The following RALYL variants were observed in gnomAD, a reference collection of about 807,000 sequenced individuals.
The protein encoded by RALYL is RNA-binding Raly-like protein.
A neutral mutation model predicts 35.1 loss-of-function variants in RALYL; 29 were observed. That is an observed-to-expected ratio of 0.83 (90% CI 0.61 to 1.13). RALYL has a LOEUF of 1.13. RALYL is among the 50% of genes most tolerant of loss of function. RALYL has a pLI of 0.00. For missense variants in RALYL, 359 were observed against 360.4 expected, an observed-to-expected ratio of 1.00 and a Z score of 0.03; for synonymous variants, 120 against 127.6, an observed-to-expected ratio of 0.94 and a Z score of 0.40.
intron 5 of RALYL, 22 bp downstream of exon 5, chr8:84,850,049 GT>G: frequency 7.4e-7 from 1 of 1,352,772 alleles, no homozygotes; most frequent in South Asian, 1.6e-5. Flanking sequence ...TTTCATCCTT[GT>G]TTTCCTATGA....
At chr8:84,394,481 G>T (rs1189814962) in intron 1 of RALYL, among the ~76,000 whole-genome samples, 1 of 151,960 alleles carries the variant, frequency 6.6e-6, no homozygotes, top group African/African-American at 2.4e-5. Flanking sequence ...ATACAGTTTG[G>T]TGCCTCATGG....
intron 2 of RALYL, chr8:84,678,703 G>T (rs1834736602): frequency 6.6e-6 from 1 of 152,136 alleles, no homozygotes; most frequent in Non-Finnish European, 1.5e-5. Context: ...CACATTTCCT[G>T]CAGAAAGCTA....
At chr8:84,535,602 A>ATTATTTTATTTTATTTTATTTTCTT (rs2059549505) in intron 2 of RALYL, among the ~76,000 whole-genome samples, 1 of 138,394 alleles carries the variant, frequency 7.2e-6, no homozygotes, top group Non-Finnish European at 1.6e-5. Context: ...CGCCCGGCTA[A>ATTATTTTATTTTATTTTATTTTCTT]TTATTTTATT....
At chr8:84,730,587 GTCAAATTGT>G (rs1845972551) in intron 2 of RALYL, among the ~76,000 whole-genome samples, 1 of 152,116 alleles carries the variant, frequency 6.6e-6, no homozygotes. Context: ...AAAAGAGGAA[GTCAAATTGT>G]CCCTGTTGGC....
At chr8:84,635,501 A>G (rs1222547768) in intron 2 of RALYL, among the ~76,000 whole-genome samples, 1 of 151,766 alleles carries the variant, frequency 6.6e-6, no homozygotes, top group Non-Finnish European at 1.5e-5. Context: ...GCACAATAGA[A>G]TAATCAGCTT....
chr8:84,627,728 T>C (rs971279037), intron 2 of RALYL, among the ~76,000 whole-genome samples: 2 of 151,964 alleles, frequency 1.3e-5, no homozygotes, highest in African/African-American at 4.8e-5. Context: ...AATTGAATTA[T>C]TGATGTTTTT....
chr8:84,487,121 T>A (rs1046112279), intron 1 of RALYL, among the ~76,000 whole-genome samples: 1 of 152,090 alleles, frequency 6.6e-6, no homozygotes, highest in African/African-American at 2.4e-5. Flanking sequence ...AGCATTCATA[T>A]AGAATACAGT....
chr8:84,313,308 G>T (rs957816206), intron 1 of RALYL, among the ~76,000 whole-genome samples: 2 of 152,174 alleles, frequency 1.3e-5, no homozygotes, highest in African/African-American at 4.8e-5. Flanking sequence ...TCTCTGACAT[G>T]CCCTGAGACA....
At chr8:84,861,442 G>T (rs1443878105) in intron 5 of RALYL, among the ~76,000 whole-genome samples, 1 of 152,036 alleles carries the variant, frequency 6.6e-6, no homozygotes, top group Non-Finnish European at 1.5e-5. Flanking sequence ...CTTATACCTT[G>T]ATTCCTTTCA....
At chr8:84,748,919 C>T (rs1407009871) in intron 2 of RALYL, among the ~76,000 whole-genome samples, 2 of 152,064 alleles carry the variant, frequency 1.3e-5, no homozygotes, top group African/African-American at 4.8e-5. Flanking sequence ...CTCTTTTCTA[C>T]TTTCCTTGGC....
chr8:84,294,532 C>T (rs1188101832), intron 1 of RALYL, among the ~76,000 whole-genome samples: 3 of 151,960 alleles, frequency 2.0e-5, no homozygotes, highest in Admixed American at 2.0e-4. Context: ...ATTAATAATT[C>T]TGAAAAACAT....
At chr8:84,713,733 A>G (rs564377423) in intron 2 of RALYL, among the ~76,000 whole-genome samples, 5 of 152,042 alleles carry the variant, frequency 3.3e-5, no homozygotes, top group African/African-American at 1.2e-4. Flanking sequence ...ATTTTTGGGA[A>G]TATATTCAAA....
In RALYL at chr8:84,509,456, A is replaced by G. The variant is rs144795997; in HGVS notation, c.-23-19843A>G. Among the ~76,000 whole-genome samples the G allele has an allele frequency of 4.4e-3, 672 of 152,248 alleles. 9 individuals are homozygous for G. The highest frequency in any genetic ancestry group is 0.015 in the African/African-American group (637 of 41,546). On this transcript the variant is annotated intron_variant, in intron 1 of 8. Coordinates refer to ENST00000521268, the MANE Select transcript of RALYL (RefSeq NM_173848.7). Reference sequence around the variant, plus strand: ...CAGACTTTTGCGAACATTTTATCCTAGGCTTTGGTTTGTCTTCTCATTCTC... The same window carrying G: ...CAGACTTTTGCGAACATTTTATCCTGGGCTTTGGTTTGTCTTCTCATTCTC...
intron 3 of RALYL, among the ~76,000 whole-genome samples, chr8:84,783,291 A>G (rs1818626859): frequency 1.3e-5 from 2 of 152,200 alleles, no homozygotes; most frequent in Non-Finnish European, 2.9e-5. Context: ...CCTCTCCACA[A>G]AGCTAATAGA....
chr8:84,827,702 G>T (rs192463570), intron 4 of RALYL, among the ~76,000 whole-genome samples: 8 of 151,858 alleles, frequency 5.3e-5, no homozygotes, highest in Admixed American at 2.0e-4. Flanking sequence ...ATTAAATATC[G>T]CATTCCACTC....
At position 84,205,638 on chromosome 8, in the gene RALYL, T is replaced by G. The variant is rs183360228; in HGVS notation, c.-24+21214T>G. On this transcript the variant is annotated intron_variant, in intron 1 of 8. Transcript: ENST00000521268. Reference sequence around the variant, plus strand: ...TTTGGGTCTGAATATTAGCACTAGTTATCAATAAAGAGCACAAGTGGGAAA... The same window carrying G: ...TTTGGGTCTGAATATTAGCACTAGTGATCAATAAAGAGCACAAGTGGGAAA... 1.4e-4 allele frequency among the ~76,000 whole-genome samples: 21 copies of G among 152,304 alleles called. No individual in the cohort carries two copies. In the East Asian group the frequency reaches 3.9e-3, roughly 28 times the overall value.
intron 1 of RALYL, among the ~76,000 whole-genome samples, chr8:84,433,505 C>T (rs2047361923): frequency 6.6e-6 from 1 of 152,082 alleles, no homozygotes. Flanking sequence ...AGAATTCCCA[C>T]ATGTTGCGGG....
At chr8:84,363,875 G>A (rs1410631916) in intron 1 of RALYL, among the ~76,000 whole-genome samples, 2 of 152,164 alleles carry the variant, frequency 1.3e-5, no homozygotes, top group Non-Finnish European at 2.9e-5. Context: ...ACCAATACTG[G>A]TGTAAAAGCA....
intron 2 of RALYL, among the ~76,000 whole-genome samples, chr8:84,588,158 G>A (rs1256600562): frequency 6.6e-6 from 1 of 152,160 alleles, no homozygotes; most frequent in African/African-American, 2.4e-5. Context: ...GGACCAGTAT[G>A]TGCATTTCAG....
Sources: allele counts gnomAD v4.1 joint callset (sites outside exome capture counted in the v4.1 genomes callset), GRCh38; gene constraint gnomAD v4.1.1; transcripts MANE v1.5; gene names NCBI Gene and HGNC (gene_info 2026-07-23, HGNC 2026-07-21).